FOXP4: variants seen among roughly 807,000 people sequenced by gnomAD.
FOXP4 encodes the protein forkhead box P4, also known as forkhead box protein P4.
In FOXP4, 25 loss-of-function variants were observed where a neutral mutation model predicts 82.6. That is an observed-to-expected ratio of 0.30 (90% confidence interval 0.22 to 0.42). The LOEUF is 0.42. Ranked by LOEUF, FOXP4 falls within the 10% of genes least tolerant of loss-of-function variation. FOXP4 has a pLI of 1.00. For missense variants in FOXP4, 785 were observed against 900.9 expected (o/e 0.87, Z 1.65); for synonymous variants, 415 against 388.2 (o/e 1.07, Z -0.81).
chr6:41,572,291 G>A (rs1765242808), intron 2 of FOXP4, among the ~76,000 whole-genome samples: 1 of 152,074 alleles, frequency 6.6e-6, no homozygotes, highest in Non-Finnish European at 1.5e-5. Flanking sequence ...GGCCTTCCCT[G>A]GCCACACACC....
intron 2 of FOXP4, chr6:41,570,405 G>GAC (rs763264011): frequency 8.5e-6 from 4 of 471,118 alleles, no homozygotes; most frequent in Non-Finnish European, 1.8e-5. Flanking sequence ...GTGAGAGAAG[G>GAC]ACAGGTGGGA....
intron 1 of FOXP4, among the ~76,000 whole-genome samples, chr6:41,562,692 C>T (rs576529564): frequency 6.6e-6 from 1 of 152,206 alleles, no homozygotes; most frequent in Non-Finnish European, 1.5e-5. Flanking sequence ...CCCTGAGGCT[C>T]TGGTCTTTGT....
chr6:41,590,099 C>T lies in FOXP4; in HGVS notation c.1286C>T (p.Ser429Phe), dbSNP rs1561802190. ...VTPLRPPGLG[S>F]ASLHGGGPAR... ...CCTCTACGGCCCCCTGGCCTGGGCT[C>T]TGCCTCCCTGCATGGTGGGGGCCCA... The change falls in exon 11 of 17, where the codon TCT (serine) becomes TTT (phenylalanine). Residue 429 changes from serine to phenylalanine, a missense_variant. Ser to Phe is a radical substitution (Grantham distance 155). Around this residue, in one of 3 missense-constraint regions of FOXP4, gnomAD observed 570 missense variants for 634.0 expected, o/e 0.90. Transcript: ENST00000307972. The T allele has an allele frequency of 1.9e-6, 3 of 1,613,538 alleles. No homozygotes were observed. The highest frequency in any genetic ancestry group is 2.5e-6 in the Non-Finnish European group (3 of 1,179,732).
intron 12 of FOXP4, 123 bp downstream of exon 12, chr6:41,590,470 A>C: frequency 5.9e-6 from 6 of 1,014,474 alleles, no homozygotes; most frequent in Non-Finnish European, 8.7e-6. Context: ...GCTCCCTCTC[A>C]CGTGGCGGTC....
chr6:41,566,063 C>T, intron 2 of FOXP4, 99 bp downstream of exon 2: 1 of 1,299,924 alleles, frequency 7.7e-7, no homozygotes, highest in South Asian at 1.4e-5. Flanking sequence ...CCCTGCCAGG[C>T]AGCCTCACTT....
rs749742109 is a variant in FOXP4, at chr6:41,597,784, G to A, written c.1729G>A (p.Ala577Thr). 27 of 1,605,944 alleles carry A rather than the reference G, an allele frequency of 1.7e-5. No individual in the cohort carries two copies. Among genetic ancestry groups the A allele is most frequent in the Admixed American group, 3.3e-5 (2 of 59,734 alleles). ...YGALNASYQA[A>T]LAESSFPLLN... ...GCCCAACCCTGTGCCCCTGCAGGCCGCCCTGGCCGAGAGCAGCTTCCCCCT... is the reference window on the plus strand; with the variant it reads ...GCCCAACCCTGTGCCCCTGCAGGCCACCCTGGCCGAGAGCAGCTTCCCCCT... Residue 577 changes from alanine to threonine, a missense_variant, in exon 16 of 17, where the codon GCC (alanine) becomes ACC (threonine). This residue lies in a region of FOXP4 where 184 missense variants were observed against 187.3 expected (regional missense o/e 0.98). Coordinates refer to ENST00000307972, the MANE Select transcript of FOXP4 (RefSeq NM_001012426.2).
Position 41,594,874 on chromosome 6 carries a change from C to T in FOXP4, c.1541C>T (p.Ala514Val). The change falls in exon 14 of 17, where the codon GCC becomes GTC. Residue 514 changes from alanine to valine, a missense_variant. Transcript: ENST00000307972. ...TCCTCTTCACTGCACCCACAGAACG[C>T]CGTGCGCCACAACCTCAGCCTGCAC... ...FRRNTATWKNAVRHNLSLHKC... is the reference protein window; with the variant it reads ...FRRNTATWKNVVRHNLSLHKC... 1 of 1,614,044 alleles carries T rather than the reference C, an allele frequency of 6.2e-7. No homozygotes were observed. The highest frequency in any genetic ancestry group is 8.5e-7 in the Non-Finnish European group (1 of 1,180,034).
intron 15 of FOXP4, 31 bp downstream of exon 15, chr6:41,597,273 C>T (rs1267423709): frequency 6.2e-7 from 1 of 1,608,734 alleles, no homozygotes; most frequent in East Asian, 2.2e-5. Flanking sequence ...CCACTCACCT[C>T]TACCTCCCGC....
chr6:41,593,087 C>T lies in FOXP4; in HGVS notation c.1536+1765C>T, dbSNP rs1421359278. ...CAGAATCCATCCAGCTTGAGGTCCA[C>T]TTTGACCTTCTGGTTTTTTTCAGCC... On this transcript the variant is annotated intron_variant, in intron 13 of 16. Transcript: ENST00000307972. The surrounding 1 kb of genome is among the most constrained non-coding windows in gnomAD (Gnocchi z 4.1). Among the ~76,000 whole-genome samples the T allele has an allele frequency of 6.6e-6, 1 of 152,230 alleles. No homozygotes were observed. The highest frequency in any genetic ancestry group is 1.9e-4 in the East Asian group (1 of 5,204).
At position 41,584,816 on chromosome 6, in the gene FOXP4, A is replaced by G. The variant is rs1241885917; in HGVS notation, c.348A>G (p.Gln116=). ...AMMSPQMLTP[Q]QMQQILSPPQ... ...TGTCGCCGCAGATGCTTACCCCGCA[A>G]CAGATGCAGCAGATCCTGTCGCCCC... The change falls in exon 4 of 17, where the codon CAA becomes CAG. Residue 116 remains glutamine, a synonymous_variant. Transcript: ENST00000307972. 2 of 1,607,380 alleles carry G rather than the reference A, an allele frequency of 1.2e-6. No homozygotes were observed. Among genetic ancestry groups the G allele is most frequent in the South Asian group, 2.2e-5 (2 of 89,340 alleles).
intron 2 of FOXP4, 94 bp from the exon 3 acceptor site, chr6:41,577,892 C>T (rs1309728857): frequency 2.3e-6 from 2 of 870,560 alleles, no homozygotes; most frequent in Non-Finnish European, 1.8e-6. Flanking sequence ...CCACCTTACC[C>T]TGATCTCCTT....
At chr6:41,597,050 C>A in intron 14 of FOXP4, 126 bp from the exon 15 acceptor site, 2 of 990,582 alleles carry the variant, frequency 2.0e-6, no homozygotes, top group Non-Finnish European at 3.2e-6. Context: ...GCTGATCCGC[C>A]CTGGCCTCCC....
rs1767206495 is a variant in FOXP4 at position 41,601,345 on chromosome 6, C to G, written c.*2409C>G. On this transcript the variant is annotated 3_prime_UTR_variant, in exon 17 of 17. Coordinates refer to ENST00000307972, the MANE Select transcript of FOXP4 (RefSeq NM_001012426.2). ...GACACCTCCCCCAGCCCCAGCACAC[C>G]AGCCTGCACCTCTTATCCCGTGTTA... 1 of 152,736 alleles carries G rather than the reference C, an allele frequency of 6.5e-6. No homozygotes were observed. The highest frequency in any genetic ancestry group is 1.5e-5 in the Non-Finnish European group (1 of 68,440). The allele number at this position is 152,736 out of a possible 1,614,324, so 9.5% of individuals were successfully genotyped here.
At position 41,591,185 on chromosome 6, in the gene FOXP4, AGG is replaced by A; in HGVS notation, c.1435-35_1435-34del. On this transcript the variant is annotated intron_variant, in intron 12 of 16. Coordinates refer to ENST00000307972, the MANE Select transcript of FOXP4 (RefSeq NM_001012426.2). The surrounding 1 kb of genome is among the most constrained non-coding windows in gnomAD (Gnocchi z 4.2). ...CCAGGGCTGTGACCCTTCGAGGCCC[AGG>A]CTGACGGTCCCTTTGCTTGTTCCTT... The A allele has an allele frequency of 6.4e-7, 1 of 1,562,520 alleles. No homozygotes were observed. Among genetic ancestry groups the A allele is most frequent in the Non-Finnish European group, 8.7e-7 (1 of 1,145,696 alleles).
At chr6:41,570,078 T>TCACACACACA (rs1562021990) in intron 2 of FOXP4, 5 of 96,710 alleles carry the variant, frequency 5.2e-5, no homozygotes, top group South Asian at 1.2e-4. Flanking sequence ...CACCACCCCC[T>TCACACACACA]GACACACACA....
chr6:41,584,780 G>A lies in FOXP4; in HGVS notation c.312G>A (p.Ser104=), dbSNP rs770809515. The change falls in exon 4 of 17, where the codon TCG becomes TCA. Residue 104 remains serine, a synonymous_variant. Transcript: ENST00000307972. ...QSASAVQVPV[S]VAMMSPQMLT... is the part of the protein sequence containing the mutation. Reference sequence around the variant, plus strand: ...GCCGAATCCTGCAGGTGCCTGTGTCGGTGGCCATGATGTCGCCGCAGATGC... The same window carrying A: ...GCCGAATCCTGCAGGTGCCTGTGTCAGTGGCCATGATGTCGCCGCAGATGC... 7 of 1,592,000 alleles carry A rather than the reference G, an allele frequency of 4.4e-6. No homozygotes were observed. The highest frequency in any genetic ancestry group is 1.7e-4 in the Middle Eastern group (1 of 6,048).
At chr6:41,549,804 G>C (rs1011019571) in intron 1 of FOXP4, among the ~76,000 whole-genome samples, 1 of 151,976 alleles carries the variant, frequency 6.6e-6, no homozygotes, top group Non-Finnish European at 1.5e-5. Context: ...GGTGCAAGGG[G>C]AGGGAAGGGT....
At chr6:41,564,367 C>T (rs1487217012) in intron 1 of FOXP4, among the ~76,000 whole-genome samples, 2 of 151,942 alleles carry the variant, frequency 1.3e-5, no homozygotes, top group South Asian at 2.1e-4. Context: ...TGCAGGGAGC[C>T]GAGATTGTGC....
chr6:41,553,386 C>A (rs1327502589), intron 1 of FOXP4, among the ~76,000 whole-genome samples: 1 of 152,220 alleles, frequency 6.6e-6, no homozygotes, highest in African/African-American at 2.4e-5. Context: ...GCCATCCCCC[C>A]TCCCCCTCAC....
Sources: gnomAD v4.1 joint callset for allele counts (sites outside exome capture counted in the v4.1 genomes callset) on GRCh38, gnomAD v4.1.1 for gene constraint, gnomAD v4.1.1 regional missense constraint, Gnocchi (gnomAD v3.1) non-coding constraint, MANE v1.5 for transcripts, NCBI Gene and HGNC (gene_info 2026-07-23, HGNC 2026-07-21) for gene names.